The following TIMP2 variants were observed in gnomAD, a reference collection of about 807,000 sequenced individuals.
The protein encoded by TIMP2 is TIMP metallopeptidase inhibitor 2, also known as metalloproteinase inhibitor 2.
TIMP2 carries 5 observed loss-of-function variants against 24.3 expected under a neutral mutation model. The ratio of observed to expected loss-of-function variants is 0.21; its 90% CI spans 0.11 to 0.43. The LOEUF (loss-of-function observed/expected upper bound fraction) is 0.43, where lower values mean the gene tolerates loss of function less well. TIMP2 is among the 20% of genes least tolerant of loss of function. TIMP2 has a pLI of 1.00. For missense variants in TIMP2, 221 were observed against 297.5 expected, an observed-to-expected ratio of 0.74 and a Z score of 1.89; for synonymous variants, 130 against 123.2, an observed-to-expected ratio of 1.06 and a Z score of -0.37.
chr17:78,878,087 C>G (rs2069744584), intron 1 of TIMP2, among the ~76,000 whole-genome samples: 1 of 152,124 alleles, frequency 6.6e-6, no homozygotes, highest in Non-Finnish European at 1.5e-5. Context: ...CACTGGAGTT[C>G]AGAAAATAAG....
At chr17:78,880,032 C>T (rs1252839251) in intron 1 of TIMP2, among the ~76,000 whole-genome samples, 1 of 152,024 alleles carries the variant, frequency 6.6e-6, no homozygotes, top group Non-Finnish European at 1.5e-5. Context: ...GAGGCCGGAC[C>T]GGCTGCTGCT....
chr17:78,911,936 C>T (rs930907803), intron 1 of TIMP2, among the ~76,000 whole-genome samples: 11 of 148,718 alleles, frequency 7.4e-5, no homozygotes, highest in African/African-American at 9.9e-5. Flanking sequence ...TGGTGGCACA[C>T]GCCTGAAATC....
intron 1 of TIMP2, among the ~76,000 whole-genome samples, chr17:78,909,175 T>C (rs998243228): frequency 2.0e-5 from 3 of 152,090 alleles, no homozygotes; most frequent in African/African-American, 7.2e-5. Context: ...TAGCAAGATC[T>C]GGTTTCTAAA....
intron 1 of TIMP2, among the ~76,000 whole-genome samples, chr17:78,882,953 A>C (rs552032187): frequency 2.0e-5 from 3 of 152,326 alleles, no homozygotes; most frequent in South Asian, 4.1e-4. Context: ...CGGCCCCTTC[A>C]TGCCAGCCCC....
intron 1 of TIMP2, among the ~76,000 whole-genome samples, chr17:78,877,275 C>T (rs1468775635): frequency 2.0e-5 from 3 of 152,218 alleles, no homozygotes; most frequent in Admixed American, 2.0e-4. Flanking sequence ...GTAGCAGAGT[C>T]ACCAGCTCAC....
chr17:78,880,914 G>A (rs1330711375), intron 1 of TIMP2, among the ~76,000 whole-genome samples: 3 of 152,300 alleles, frequency 2.0e-5, no homozygotes, highest in Non-Finnish European at 2.9e-5. Flanking sequence ...AACACCCAAC[G>A]TCTAGACCAC....
intron 3 of TIMP2, among the ~76,000 whole-genome samples, chr17:78,867,483 C>G (rs1264523513): frequency 6.6e-6 from 1 of 152,072 alleles, no homozygotes; most frequent in Non-Finnish European, 1.5e-5. Flanking sequence ...CCTGCATCTT[C>G]CTCCCTGCAA....
chr17:78,914,264 T>C (rs111605897), intron 1 of TIMP2, among the ~76,000 whole-genome samples: 1 of 77,980 alleles, frequency 1.3e-5, no homozygotes, highest in African/African-American at 6.5e-5. Flanking sequence ...GCTATTCATT[T>C]ATTTATTTAT....
chr17:78,919,402 C>A (rs940414649), intron 1 of TIMP2, among the ~76,000 whole-genome samples: 6 of 152,334 alleles, frequency 3.9e-5, no homozygotes, highest in Middle Eastern at 6.8e-3. Flanking sequence ...GGCAGTTGGT[C>A]CCTTGGCTTA....
chr17:78,913,227 A>G (rs1025524506), intron 1 of TIMP2, among the ~76,000 whole-genome samples: 1 of 152,036 alleles, frequency 6.6e-6, no homozygotes, highest in African/African-American at 2.4e-5. Context: ...GCGGCTCTGC[A>G]GGGCTCTAAC....
chr17:78,888,467 G>C (rs554974240), intron 1 of TIMP2, among the ~76,000 whole-genome samples: 1 of 149,428 alleles, frequency 6.7e-6, no homozygotes, highest in Non-Finnish European at 1.5e-5. Flanking sequence ...GTATCTTTTT[G>C]TTTCTGAGAC....
intron 1 of TIMP2, among the ~76,000 whole-genome samples, chr17:78,923,212 T>C (rs1351507421): frequency 3.3e-5 from 5 of 151,992 alleles, no homozygotes; most frequent in South Asian, 2.1e-4. Context: ...AGGAGAGTGC[T>C]GCGCTGAGCA....
At chr17:78,886,506 A>C (rs2069826555) in intron 1 of TIMP2, among the ~76,000 whole-genome samples, 1 of 152,170 alleles carries the variant, frequency 6.6e-6, no homozygotes, top group African/African-American at 2.4e-5. Flanking sequence ...GTGTGCAAAA[A>C]ATAGCTGGGC....
intron 1 of TIMP2, among the ~76,000 whole-genome samples, chr17:78,916,197 A>T (rs527622802): frequency 6.6e-6 from 1 of 152,088 alleles, no homozygotes; most frequent in South Asian, 2.1e-4. Flanking sequence ...TCCTTTTTGG[A>T]GGTGTGGAAG....
At chr17:78,897,003 G>A in intron 1 of TIMP2, 1 of 985,328 alleles carries the variant, frequency 1.0e-6, no homozygotes, top group African/African-American at 1.7e-5. Flanking sequence ...CCTTTCCCTG[G>A]GCGGCCGCTC....
intron 4 of TIMP2, chr17:78,856,965 C>T (rs1289026749): frequency 6.5e-6 from 1 of 152,740 alleles, no homozygotes; most frequent in Non-Finnish European, 1.5e-5. Context: ...CTCTTACTCT[C>T]AAATCTCCTA....
In TIMP2 at chr17:78,891,822, C is replaced by G; in HGVS notation, c.131-17903G>C. 1 of 1,550,910 alleles carries G rather than the reference C, an allele frequency of 6.4e-7. No individual in the cohort carries two copies. Among genetic ancestry groups the G allele is most frequent in the Non-Finnish European group, 8.7e-7 (1 of 1,147,054 alleles). ...CCACCCCCAGACTTGGTCGAAGGTT[C>G]TGGCCTTCCCTTTCTCTTCTCAGGC... On this transcript the variant is annotated intron_variant, in intron 1 of 4. Coordinates refer to ENST00000262768, the MANE Select transcript of TIMP2 (RefSeq NM_003255.5). This position sits in a 1 kb window ranked among gnomAD's most constrained non-coding sequence, Gnocchi z 4.5.
intron 1 of TIMP2, among the ~76,000 whole-genome samples, chr17:78,887,487 C>T (rs1398069640): frequency 2.6e-5 from 4 of 152,098 alleles, no homozygotes; most frequent in Non-Finnish European, 2.9e-5. Flanking sequence ...TGGGTTCAAG[C>T]GATTCTCCTG....
intron 1 of TIMP2, among the ~76,000 whole-genome samples, chr17:78,893,755 A>C (rs1385665103): frequency 2.0e-5 from 3 of 152,192 alleles, no homozygotes; most frequent in African/African-American, 7.2e-5. Context: ...CATGACTCCC[A>C]GCTCTTTCCT....
Sources: gnomAD v4.1 joint callset for allele counts (sites outside exome capture counted in the v4.1 genomes callset) on GRCh38, gnomAD v4.1.1 for gene constraint, Gnocchi (gnomAD v3.1) non-coding constraint, MANE v1.5 for transcripts, NCBI Gene and HGNC (gene_info 2026-07-23, HGNC 2026-07-21) for gene names.